Variants in DLGAP1 observed in about 807,000 individuals in gnomAD.
The protein encoded by DLGAP1 is DLG associated protein 1.
In DLGAP1, 11 loss-of-function variants were observed where a neutral mutation model predicts 90.8. The ratio of observed to expected loss-of-function variants is 0.12; its 90% CI spans 0.08 to 0.20. DLGAP1 has a LOEUF of 0.20. Ranked by LOEUF, DLGAP1 falls within the 10% of genes least tolerant of loss-of-function variation. The pLI, the probability that DLGAP1 is intolerant of heterozygous loss-of-function variation, is 1.00. For synonymous variants in DLGAP1, 558 were observed against 540.7 expected, an observed-to-expected ratio of 1.03 and a Z score of -0.44; for missense variants, 1,050 against 1,333.8, an observed-to-expected ratio of 0.79 and a Z score of 3.31.
chr18:3,609,717 T>A (rs2057504985), intron 7 of DLGAP1, among the ~76,000 whole-genome samples: 1 of 151,978 alleles, frequency 6.6e-6, no homozygotes. Context: ...GCTCTTCTTT[T>A]TTCTTTCCTT....
intron 2 of DLGAP1, among the ~76,000 whole-genome samples, chr18:4,030,904 C>T (rs2074785525): frequency 6.6e-6 from 1 of 152,186 alleles, no homozygotes; most frequent in Non-Finnish European, 1.5e-5. Context: ...GCCTGGGTGA[C>T]AGAGTAAGAC....
At chr18:3,990,281 C>T (rs1261112556) in intron 3 of DLGAP1, among the ~76,000 whole-genome samples, 1 of 151,730 alleles carries the variant, frequency 6.6e-6, no homozygotes, top group Non-Finnish European at 1.5e-5. Flanking sequence ...GGCACATATA[C>T]ACCATGGAAT....
chr18:4,219,404 C>T (rs115307409), intron 1 of DLGAP1, among the ~76,000 whole-genome samples: 1,703 of 151,936 alleles, frequency 0.011, 31 homozygotes, highest in African/African-American at 0.039. Flanking sequence ...ATATGGTTGG[C>T]ACATATTTTC....
At position 3,496,418 on chromosome 18, in the gene DLGAP1, G is replaced by A. The variant is rs867483915; in HGVS notation, c.*2767C>T. 3.3e-5 allele frequency: 5 copies of A among 152,182 alleles called. No homozygotes were observed. In the South Asian group the frequency reaches 1.0e-3, roughly 32 times the overall value. The allele number at this position is 152,182 out of a possible 1,614,324, so 9.4% of individuals were successfully genotyped here. On this transcript the variant is annotated 3_prime_UTR_variant, in exon 13 of 13. Coordinates refer to ENST00000315677, the MANE Select transcript of DLGAP1 (RefSeq NM_004746.4). ...AACAGAAATATATTACAATAAATTAGTTCTATTTACCATTTCAAATATTAA... is the reference window on the plus strand; with the variant it reads ...AACAGAAATATATTACAATAAATTAATTCTATTTACCATTTCAAATATTAA...
chr18:3,802,103 G>C (rs1445137997), intron 5 of DLGAP1, among the ~76,000 whole-genome samples: 1 of 152,058 alleles, frequency 6.6e-6, no homozygotes, highest in African/African-American at 2.4e-5. Context: ...TTCTGCCTCA[G>C]CCTCCCAAGT....
intron 5 of DLGAP1, among the ~76,000 whole-genome samples, chr18:3,800,562 C>T (rs534892542): frequency 2.0e-5 from 3 of 152,068 alleles, no homozygotes; most frequent in Admixed American, 6.6e-5. Context: ...AAAGTTTAGA[C>T]ATGGGTATAT....
At chr18:4,403,320 G>C (rs1310300250) in intron 1 of DLGAP1, among the ~76,000 whole-genome samples, 5 of 151,966 alleles carry the variant, frequency 3.3e-5, no homozygotes, top group Admixed American at 3.3e-4. Flanking sequence ...GGAATATATA[G>C]GTTGAATTTT....
rs574566067 is a variant in DLGAP1 at position 3,953,691 on chromosome 18, G to A, written c.-73+51425C>T. 4.6e-5 allele frequency among the ~76,000 whole-genome samples: 7 copies of A among 152,136 alleles called. No individual in the cohort carries two copies. The South Asian group carries it at 1.0e-3, about 23-fold the overall frequency. ...TGATATAATGATTTCTTTCTCTTTGGTTATATACCCAGTAGTTTTTGGATT... is the reference window on the plus strand; with the variant it reads ...TGATATAATGATTTCTTTCTCTTTGATTATATACCCAGTAGTTTTTGGATT... On this transcript the variant is annotated intron_variant, in intron 3 of 12. Coordinates refer to ENST00000315677, the MANE Select transcript of DLGAP1 (RefSeq NM_004746.4).
intron 1 of DLGAP1, among the ~76,000 whole-genome samples, chr18:4,395,163 A>C (rs2082413724): frequency 6.6e-6 from 1 of 152,232 alleles, no homozygotes; most frequent in Non-Finnish European, 1.5e-5. Flanking sequence ...AAGAAATAGC[A>C]CATTGCATTG....
At chr18:4,412,860 G>C (rs549465584) in intron 1 of DLGAP1, among the ~76,000 whole-genome samples, 1 of 152,322 alleles carries the variant, frequency 6.6e-6, no homozygotes, top group Non-Finnish European at 1.5e-5. Flanking sequence ...GATAATACAT[G>C]ATTTGCCAAA....
At chr18:3,841,148 G>A (rs967762218) in intron 4 of DLGAP1, among the ~76,000 whole-genome samples, 3 of 152,130 alleles carry the variant, frequency 2.0e-5, no homozygotes, top group East Asian at 1.9e-4. Context: ...ATCAGGCTAC[G>A]GTTGAAGAAC....
intron 1 of DLGAP1, among the ~76,000 whole-genome samples, chr18:4,351,442 T>C (rs1567853807): frequency 6.6e-6 from 1 of 152,232 alleles, no homozygotes; most frequent in Non-Finnish European, 1.5e-5. Flanking sequence ...ATAAATAATT[T>C]AAATTTTTAG....
chr18:4,358,644 C>CT (rs2081572118), intron 1 of DLGAP1, among the ~76,000 whole-genome samples: 1 of 152,246 alleles, frequency 6.6e-6, no homozygotes. Flanking sequence ...GGGCCTCCCT[C>CT]TTGTTCTCGT....
intron 1 of DLGAP1, among the ~76,000 whole-genome samples, chr18:4,442,239 C>A (rs2083554256): frequency 6.6e-6 from 1 of 152,086 alleles, no homozygotes; most frequent in Non-Finnish European, 1.5e-5. Context: ...ACTTCATGAT[C>A]CGCCCACCTC....
chr18:3,773,235 TCATAAACTGACACACA>T (rs1157993295), intron 5 of DLGAP1, among the ~76,000 whole-genome samples: 1 of 152,154 alleles, frequency 6.6e-6, no homozygotes, highest in Non-Finnish European at 1.5e-5. Flanking sequence ...GATAACACAC[TCATAAACTGACACACA>T]CATAAACTCT....
At chr18:3,932,721 C>A (rs1490997638) in intron 3 of DLGAP1, among the ~76,000 whole-genome samples, 1 of 152,334 alleles carries the variant, frequency 6.6e-6, no homozygotes, top group East Asian at 1.9e-4. Context: ...GCCCTAAATA[C>A]TCATTCCATG....
intron 1 of DLGAP1, among the ~76,000 whole-genome samples, chr18:4,418,334 C>G (rs1277409878): frequency 6.6e-6 from 1 of 151,998 alleles, no homozygotes; most frequent in African/African-American, 2.4e-5. Context: ...AAACAGAAAC[C>G]ACCAACACAC....
At chr18:3,664,389 G>A (rs1567924039) in intron 7 of DLGAP1, among the ~76,000 whole-genome samples, 1 of 152,092 alleles carries the variant, frequency 6.6e-6, no homozygotes, top group Non-Finnish European at 1.5e-5. Context: ...CTCCACATTG[G>A]GGTAATAAGG....
intron 1 of DLGAP1, among the ~76,000 whole-genome samples, chr18:4,345,871 T>C (rs2143913116): frequency 6.6e-6 from 1 of 152,328 alleles, no homozygotes; most frequent in East Asian, 1.9e-4. Context: ...AAACAGTAAA[T>C]ATAGTTTTCA....
Sources: gnomAD v4.1 joint callset for allele counts (sites outside exome capture counted in the v4.1 genomes callset) on GRCh38, gnomAD v4.1.1 for gene constraint, MANE v1.5 for transcripts, NCBI Gene and HGNC (gene_info 2026-07-23, HGNC 2026-07-21) for gene names.